PIAS4: variants seen among roughly 807,000 people sequenced by gnomAD.
PIAS4 encodes protein inhibitor of activated STAT 4.
A neutral mutation model predicts 58.0 loss-of-function variants in PIAS4; 7 were observed. That is an observed-to-expected ratio of 0.12 (90% CI 0.07 to 0.23). The LOEUF (loss-of-function observed/expected upper bound fraction) is 0.23. PIAS4 is among the 10% of genes least tolerant of loss of function. PIAS4 has a pLI of 1.00. For synonymous variants in PIAS4, 364 were observed against 312.4 expected (o/e 1.17, Z -1.74); for missense variants, 550 against 709.5 (o/e 0.78, Z 2.55).
chr19:4,024,204 C>T (rs1211388802), intron 3 of PIAS4, 84 bp downstream of exon 3: 20 of 1,005,608 alleles, frequency 2.0e-5, no homozygotes, highest in East Asian at 4.8e-5. Flanking sequence ...CCGGCAGCCA[C>T]GTCCACTGCA....
chr19:4,008,174 C>G (rs1720184971), intron 1 of PIAS4, among the ~76,000 whole-genome samples: 3 of 152,134 alleles, frequency 2.0e-5, no homozygotes, highest in Admixed American at 2.0e-4. Flanking sequence ...GAGCCGGGGT[C>G]CTTGCTTTTT....
chr19:4,027,308 T>C (rs2040175808), intron 3 of PIAS4, among the ~76,000 whole-genome samples: 1 of 152,166 alleles, frequency 6.6e-6, no homozygotes, highest in South Asian at 2.1e-4. Context: ...GTCTGGCGTC[T>C]CTCACTGGGT....
intron 4 of PIAS4, 115 bp from the exon 5 acceptor site, chr19:4,028,395 C>A: frequency 1.2e-6 from 1 of 855,290 alleles, no homozygotes; most frequent in Non-Finnish European, 1.9e-6. Context: ...CCCCCCGTGT[C>A]ACATTCTCCG....
intron 2 of PIAS4, chr19:4,018,341 T>C (rs890431464): frequency 6.6e-6 from 1 of 152,218 alleles, no homozygotes; most frequent in Non-Finnish European, 1.5e-5. Flanking sequence ...CCACCCCCCA[T>C]ACTGTGAGCA....
At chr19:4,033,228 C>G (rs545260924) in intron 8 of PIAS4, 55 bp downstream of exon 8, 145 of 1,539,400 alleles carry the variant, frequency 9.4e-5, no homozygotes, top group South Asian at 9.3e-4. Flanking sequence ...GGCCTTCCCC[C>G]CTGGCGGCCC....
chr19:4,009,285 A>G (rs777400094), intron 1 of PIAS4, among the ~76,000 whole-genome samples: 47 of 151,900 alleles, frequency 3.1e-4, no homozygotes, highest in Admixed American at 2.2e-3. Context: ...TCGCCTCCCA[A>G]CCCTACACCC....
chr19:4,020,732 T>C (rs1037529692), intron 2 of PIAS4, among the ~76,000 whole-genome samples: 3 of 152,200 alleles, frequency 2.0e-5, no homozygotes, highest in African/African-American at 7.2e-5. Flanking sequence ...GTAGCGGGAA[T>C]GACAGCTGCA....
At chr19:4,024,203 ACGTC>A in intron 3 of PIAS4, 83 bp downstream of exon 3, 1 of 943,980 alleles carries the variant, frequency 1.1e-6, no homozygotes, top group South Asian at 1.3e-5. Flanking sequence ...GCCGGCAGCC[ACGTC>A]CACTGCAGGC....
Position 4,013,201 on chromosome 19 carries a change from A to C in PIAS4, c.306A>C (p.Ala102=). ...RAGAVPRTPL[A]GPNIDYPVLY... is the part of the protein sequence containing the mutation. ...GCGCTGTGCCCAGGACTCCGCTGGC[A>C]GGCCCCAATATTGACTACCCCGTGC... is the stretch of plus-strand genomic sequence containing the variant. The change falls in exon 2 of 11, where the codon GCA becomes GCC. Residue 102 remains alanine, a synonymous_variant. Coordinates refer to ENST00000262971, the MANE Select transcript of PIAS4 (RefSeq NM_015897.4). The surrounding 1 kb of genome is among the most constrained non-coding windows in gnomAD (Gnocchi z 5.1). The C allele has an allele frequency of 6.2e-7, 1 of 1,613,532 alleles. No homozygotes were observed.
intron 4 of PIAS4, 142 bp from the exon 5 acceptor site, chr19:4,028,368 A>G: frequency 2.5e-6 from 2 of 792,768 alleles, no homozygotes; most frequent in East Asian, 2.7e-5. Flanking sequence ...CTCAGGCCAC[A>G]CCCGGGGGCC....
chr19:4,013,428 C>G lies in PIAS4; in HGVS notation c.454+79C>G. The G allele has an allele frequency of 1.5e-6, 2 of 1,290,486 alleles. No individual in the cohort carries two copies. The highest frequency in any genetic ancestry group is 2.2e-6 in the Non-Finnish European group (2 of 920,960). 79.9% of individuals were successfully genotyped at this position (1,290,486 alleles called of 1,614,324 possible). Reference sequence around the variant, plus strand: ...GCCCAGCCCAGCCCAGCCACACAGCCGACTTCGAGTGATGTTCTCTGTGGC... The same window carrying G: ...GCCCAGCCCAGCCCAGCCACACAGCGGACTTCGAGTGATGTTCTCTGTGGC... On this transcript the variant is annotated intron_variant, in intron 2 of 10. Coordinates refer to ENST00000262971, the MANE Select transcript of PIAS4 (RefSeq NM_015897.4). The surrounding 1 kb of genome is among the most constrained non-coding windows in gnomAD (Gnocchi z 5.1).
In PIAS4 at chr19:4,016,009, C is replaced by T. The variant is rs552914178; in HGVS notation, c.454+2660C>T. ...GACGGGGCTGGCACCCAGAACAGTG[C>T]GGAGAACGGCCCAAGGTCGCACAGC... On this transcript the variant is annotated intron_variant, in intron 2 of 10. Coordinates refer to ENST00000262971, the MANE Select transcript of PIAS4 (RefSeq NM_015897.4). Among the ~76,000 whole-genome samples the T allele has an allele frequency of 4.6e-5, 7 of 152,334 alleles. No homozygotes were observed. In the East Asian group the frequency reaches 5.8e-4, roughly 13 times the overall value.
intron 3 of PIAS4, 71 bp downstream of exon 3, chr19:4,024,191 G>A: frequency 8.5e-7 from 1 of 1,178,162 alleles, no homozygotes; most frequent in Non-Finnish European, 1.3e-6. Flanking sequence ...TCACTGGGGA[G>A]AGCCGGCAGC....
chr19:4,025,199 C>A (rs1309981570), intron 3 of PIAS4, among the ~76,000 whole-genome samples: 1 of 152,262 alleles, frequency 6.6e-6, no homozygotes, highest in Non-Finnish European at 1.5e-5. Flanking sequence ...CTGGCCTCCA[C>A]CTGCTCTGTG....
intron 4 of PIAS4, 61 bp from the exon 5 acceptor site, chr19:4,028,449 C>T: frequency 8.0e-7 from 1 of 1,257,422 alleles, no homozygotes; most frequent in Admixed American, 1.9e-5. Context: ...TGTACCCCCG[C>T]AGCAGCCTAG....
intron 2 of PIAS4, among the ~76,000 whole-genome samples, chr19:4,021,968 C>T (rs576639685): frequency 1.5e-4 from 23 of 151,786 alleles, no homozygotes; most frequent in Admixed American, 1.4e-3. Flanking sequence ...AGGCTGGCCT[C>T]AAACTCCTGG....
chr19:4,027,249 A>G (rs572646797), intron 3 of PIAS4, among the ~76,000 whole-genome samples: 3 of 152,228 alleles, frequency 2.0e-5, no homozygotes, highest in African/African-American at 7.2e-5. Flanking sequence ...CCGCCTCCCA[A>G]AGTGCCAGGG....
intron 2 of PIAS4, among the ~76,000 whole-genome samples, chr19:4,017,414 TAG>T (rs2040063197): frequency 1.3e-5 from 2 of 152,154 alleles, no homozygotes; most frequent in Non-Finnish European, 1.5e-5. Context: ...CACTGATGGG[TAG>T]AGTGGTCGGC....
rs2040121118 is a variant in PIAS4, at chr19:4,022,600, T to C, written c.455-1436T>C. 3.3e-5 allele frequency among the ~76,000 whole-genome samples: 5 copies of C among 151,848 alleles called. No individual in the cohort carries two copies. In the South Asian group the frequency reaches 1.0e-3, roughly 32 times the overall value. On this transcript the variant is annotated intron_variant, in intron 2 of 10. Coordinates refer to ENST00000262971, the MANE Select transcript of PIAS4 (RefSeq NM_015897.4). ...CCAGGATGGTCTCGATCTCCTGACCTCGTGATCCACCCCCCTCGGCCTCCC... is the reference window on the plus strand; with the variant it reads ...CCAGGATGGTCTCGATCTCCTGACCCCGTGATCCACCCCCCTCGGCCTCCC...
Sources: allele counts gnomAD v4.1 joint callset (sites outside exome capture counted in the v4.1 genomes callset), GRCh38; gene constraint gnomAD v4.1.1; non-coding constraint Gnocchi (gnomAD v3.1); transcripts MANE v1.5; gene names NCBI Gene and HGNC (gene_info 2026-07-23, HGNC 2026-07-21).